The following MYRIP variants were observed in gnomAD, a reference collection of about 807,000 sequenced individuals.
The protein encoded by MYRIP is myosin VIIA and Rab interacting protein.
MYRIP carries 49 observed loss-of-function variants against 98.0 expected under a neutral mutation model. That is an observed-to-expected ratio of 0.50 (90% CI 0.40 to 0.63). The LOEUF is 0.63. MYRIP is among the 30% of genes least tolerant of loss of function. MYRIP has a pLI of 0.00. For missense variants in MYRIP, 1,004 were observed against 1,058.2 expected, an observed-to-expected ratio of 0.95 and a Z score of 0.71; for synonymous variants, 404 against 409.5, an observed-to-expected ratio of 0.99 and a Z score of 0.16.
At chr3:40,067,465 G>C (rs1948146010) in intron 3 of MYRIP, among the ~76,000 whole-genome samples, 1 of 152,154 alleles carries the variant, frequency 6.6e-6, no homozygotes, top group South Asian at 2.1e-4. Flanking sequence ...GTGGGGCCAG[G>C]CATCCTGCAG....
At chr3:40,152,869 T>C (rs1950148687) in intron 4 of MYRIP, among the ~76,000 whole-genome samples, 1 of 151,610 alleles carries the variant, frequency 6.6e-6, no homozygotes, top group Non-Finnish European at 1.5e-5. Flanking sequence ...GGAATCCCAA[T>C]ACTTTGGGAG....
chr3:39,898,458 T>C (rs562891194), intron 1 of MYRIP, among the ~76,000 whole-genome samples: 2 of 152,110 alleles, frequency 1.3e-5, no homozygotes, highest in East Asian at 1.9e-4. Context: ...TTCTTTTAAA[T>C]AGCAACCATG....
intron 3 of MYRIP, among the ~76,000 whole-genome samples, chr3:40,118,830 C>A (rs1026982374): frequency 4.0e-5 from 6 of 151,890 alleles, no homozygotes; most frequent in African/African-American, 1.5e-4. Flanking sequence ...TCAGTTCCCA[C>A]CTATGAGTGA....
chr3:39,876,637 A>C (rs924104650), intron 1 of MYRIP, among the ~76,000 whole-genome samples: 3 of 151,764 alleles, frequency 2.0e-5, no homozygotes, highest in African/African-American at 4.9e-5. Context: ...CTGGTTTGAA[A>C]ATTCTTTTCT....
intron 2 of MYRIP, among the ~76,000 whole-genome samples, chr3:39,991,197 T>C (rs997633173): frequency 1.3e-5 from 2 of 152,246 alleles, no homozygotes; most frequent in African/African-American, 2.4e-5. Context: ...AAAATTGGTC[T>C]AAGTGTCTGC....
intron 2 of MYRIP, among the ~76,000 whole-genome samples, chr3:40,029,004 G>A (rs142193166): frequency 1.3e-5 from 2 of 152,158 alleles, no homozygotes; most frequent in Non-Finnish European, 2.9e-5. Flanking sequence ...CTGTGTATCA[G>A]CAAACAAAAC....
intron 1 of MYRIP, among the ~76,000 whole-genome samples, chr3:39,848,797 A>G (rs773425826): frequency 2.0e-5 from 3 of 152,206 alleles, no homozygotes; most frequent in Admixed American, 6.5e-5. Context: ...GGAATTTTCA[A>G]TTAAGATGAC....
At chr3:39,961,512 T>G (rs940522407) in intron 2 of MYRIP, among the ~76,000 whole-genome samples, 1 of 152,072 alleles carries the variant, frequency 6.6e-6, no homozygotes, top group Non-Finnish European at 1.5e-5. Flanking sequence ...TTTCCTTTCA[T>G]GTTCTGGGAG....
intron 2 of MYRIP, among the ~76,000 whole-genome samples, chr3:39,932,512 C>T (rs989700174): frequency 5.3e-5 from 8 of 152,150 alleles, no homozygotes; most frequent in African/African-American, 1.9e-4. Flanking sequence ...AGGTGTCCGC[C>T]ACCATGCCCA....
At chr3:40,253,924 G>A (rs983212482) in intron 16 of MYRIP, among the ~76,000 whole-genome samples, 1 of 152,106 alleles carries the variant, frequency 6.6e-6, no homozygotes, top group African/African-American at 2.4e-5. Flanking sequence ...GGAAGATTAA[G>A]GTCTGGTTGA....
At chr3:40,090,027 T>G (rs969308184) in intron 3 of MYRIP, among the ~76,000 whole-genome samples, 7 of 151,552 alleles carry the variant, frequency 4.6e-5, no homozygotes, top group African/African-American at 1.7e-4. Context: ...CTCTTATGAG[T>G]TATTGTATCT....
chr3:40,053,597 C>T (rs1011877107), intron 3 of MYRIP, among the ~76,000 whole-genome samples: 1 of 152,124 alleles, frequency 6.6e-6, no homozygotes, highest in Non-Finnish European at 1.5e-5. Flanking sequence ...TGATAAACCA[C>T]GTGTAGGGCC....
At chr3:40,095,893 A>C (rs1948820972) in intron 3 of MYRIP, among the ~76,000 whole-genome samples, 2 of 147,570 alleles carry the variant, frequency 1.4e-5, no homozygotes, top group African/African-American at 2.5e-5. Context: ...TTCTCCTACC[A>C]CCTCAGCACC....
intron 2 of MYRIP, among the ~76,000 whole-genome samples, chr3:40,009,360 C>T (rs1455457451): frequency 1.3e-5 from 2 of 152,046 alleles, no homozygotes; most frequent in Non-Finnish European, 2.9e-5. Flanking sequence ...CCTCAGCCTC[C>T]CGAGTAGCTG....
chr3:39,889,429 A>G (rs907446046), intron 1 of MYRIP, among the ~76,000 whole-genome samples: 1 of 152,222 alleles, frequency 6.6e-6, no homozygotes, highest in African/African-American at 2.4e-5. Flanking sequence ...TATGGCAAGA[A>G]CAAAAAACCA....
At chr3:40,196,092 T>TC (rs1381393910) in intron 10 of MYRIP, among the ~76,000 whole-genome samples, 1 of 152,044 alleles carries the variant, frequency 6.6e-6, no homozygotes, top group Non-Finnish European at 1.5e-5. Flanking sequence ...TAGATTTTTT[T>TC]TCTCTCTCTT....
chr3:40,018,137 T>A (rs973484988), intron 2 of MYRIP, among the ~76,000 whole-genome samples: 9 of 152,202 alleles, frequency 5.9e-5, no homozygotes, highest in Admixed American at 6.5e-5. Flanking sequence ...GGCTGCCACA[T>A]TACTGCATTA....
chr3:39,923,688 A>G lies in MYRIP; in HGVS notation c.110+22762A>G, dbSNP rs150399433. Reference sequence around the variant, plus strand: ...AAGAAATCCTAGAACATCAAGAAGGAAGAAAGAACATGGCAAGCAAAAATA... The same window carrying G: ...AAGAAATCCTAGAACATCAAGAAGGGAGAAAGAACATGGCAAGCAAAAATA... On this transcript the variant is annotated intron_variant, in intron 2 of 16. Coordinates refer to ENST00000302541, the MANE Select transcript of MYRIP (RefSeq NM_015460.4). 2.6e-5 allele frequency among the ~76,000 whole-genome samples: 4 copies of G among 152,292 alleles called. No individual in the cohort carries two copies. In the South Asian group the frequency reaches 6.2e-4, roughly 24 times the overall value.
At chr3:39,935,911 G>A (rs1944646565) in intron 2 of MYRIP, among the ~76,000 whole-genome samples, 4 of 152,030 alleles carry the variant, frequency 2.6e-5, no homozygotes, top group African/African-American at 9.7e-5. Context: ...TACAAATATA[G>A]GCATGATATA....
Sources: gnomAD v4.1 joint callset for allele counts (sites outside exome capture counted in the v4.1 genomes callset) on GRCh38, gnomAD v4.1.1 for gene constraint, MANE v1.5 for transcripts, NCBI Gene and HGNC (gene_info 2026-07-23, HGNC 2026-07-21) for gene names.